Variants in PCNX2 observed in about 807,000 individuals in gnomAD.
PCNX2 encodes pecanex-like protein 2.
In PCNX2, 168 loss-of-function variants were observed where a neutral mutation model predicts 223.8. That is an observed-to-expected ratio of 0.75 (90% CI 0.66 to 0.85). PCNX2 has a LOEUF of 0.85. Among genes scored for constraint, PCNX2 ranks in the 40% least tolerant of loss-of-function variants. PCNX2 has a pLI of 0.00. For synonymous variants in PCNX2, 1,006 were observed against 1,052.6 expected (o/e 0.96, Z 0.86); for missense variants, 2,507 against 2,675.5 (o/e 0.94, Z 1.39).
chr1:233,104,344 A>G (rs1674649238), intron 21 of PCNX2, among the ~76,000 whole-genome samples: 1 of 152,142 alleles, frequency 6.6e-6, no homozygotes, highest in African/African-American at 2.4e-5. Flanking sequence ...TAAAAAATCA[A>G]TACATTTTTA....
the PCNX2 span, among the ~76,000 whole-genome samples, chr1:233,324,832 G>A: frequency 1.3e-5 from 2 of 151,804 alleles, no homozygotes; most frequent in Non-Finnish European, 1.5e-5. Flanking sequence ...CAGGTGATCT[G>A]CCCACCTCGG....
At chr1:233,103,614 ATTCT>A in intron 21 of PCNX2, among the ~76,000 whole-genome samples, 1 of 152,262 alleles carries the variant, frequency 6.6e-6, no homozygotes, top group East Asian at 1.9e-4. Context: ...AAATGATAGA[ATTCT>A]TTTTTATGGC....
chr1:233,037,743 A>G (rs900695726), intron 25 of PCNX2, among the ~76,000 whole-genome samples: 4 of 152,236 alleles, frequency 2.6e-5, no homozygotes, highest in African/African-American at 9.6e-5. Flanking sequence ...TTGTGAGCCT[A>G]GCACAGATTT....
chr1:233,152,405 T>C (rs1278793755), intron 19 of PCNX2, among the ~76,000 whole-genome samples: 1 of 152,170 alleles, frequency 6.6e-6, no homozygotes, highest in Admixed American at 6.5e-5. Context: ...TTCCTGAAGC[T>C]AGCATCTTTC....
chr1:233,264,257 G>C (rs906903339), intron 1 of PCNX2, among the ~76,000 whole-genome samples: 1 of 152,180 alleles, frequency 6.6e-6, no homozygotes, highest in African/African-American at 2.4e-5. Flanking sequence ...GGGATGGAAA[G>C]AGATCCCCAA....
chr1:233,098,823 G>A (rs1399319161), intron 21 of PCNX2, among the ~76,000 whole-genome samples: 2 of 152,132 alleles, frequency 1.3e-5, no homozygotes, highest in African/African-American at 4.8e-5. Flanking sequence ...ATATATTTCT[G>A]GATCTATAAA....
chr1:233,225,739 T>G (rs1462585576), intron 10 of PCNX2, among the ~76,000 whole-genome samples: 2 of 152,350 alleles, frequency 1.3e-5, no homozygotes, highest in Admixed American at 1.3e-4. Context: ...CATGAAGGGT[T>G]AATGCAAGCT....
intron 8 of PCNX2, among the ~76,000 whole-genome samples, chr1:233,238,921 T>C (rs1658587645): frequency 6.6e-6 from 1 of 152,182 alleles, no homozygotes. Flanking sequence ...TTCTTGTCTA[T>C]ATTAGTGGCA....
Position 232,986,297 on chromosome 1 carries a change from C to T in PCNX2, c.6035G>A (p.Arg2012Gln), listed in dbSNP as rs747342134. Residue 2012 changes from arginine to glutamine, a missense_variant, in exon 33 of 34, where the codon CGG becomes CAG. Transcript: ENST00000258229. ...GCTGGACCTGATGAGCGCCTCGGCC[C>T]GCTCACGGACACTCAGGTGGCCGGT... The part of the protein sequence containing the change: ...TTTGHLSVRE[R>Q]AEALIRSSLG... 3.1e-5 allele frequency: 49 copies of T among 1,571,012 alleles called. No individual in the cohort carries two copies. The highest frequency in any genetic ancestry group is 6.8e-5 in the African/African-American group (5 of 73,938).
intron 20 of PCNX2, among the ~76,000 whole-genome samples, chr1:233,137,952 G>A (rs977104055): frequency 1.1e-4 from 17 of 152,184 alleles, no homozygotes; most frequent in Non-Finnish European, 2.4e-4. Context: ...TTAGTACAAT[G>A]GCTCTCAAAA....
chr1:233,305,330 TGTTA>T, the PCNX2 span, among the ~76,000 whole-genome samples: 5 of 152,342 alleles, frequency 3.3e-5, no homozygotes, highest in East Asian at 5.8e-4. Context: ...GGAGTTATAT[TGTTA>T]GTTTTTATAT....
chr1:233,230,052 T>C (rs1657971560), intron 9 of PCNX2, among the ~76,000 whole-genome samples: 1 of 152,218 alleles, frequency 6.6e-6, no homozygotes, highest in Non-Finnish European at 1.5e-5. Flanking sequence ...GTGTAGGTTA[T>C]ATAAACCAAA....
At chr1:233,172,544 T>C (rs1679215632) in intron 17 of PCNX2, 1 of 985,092 alleles carries the variant, frequency 1.0e-6, no homozygotes, top group African/African-American at 1.7e-5. Context: ...ACTCTGAGAG[T>C]GTGGCACTTT....
At chr1:233,252,828 A>G (rs768304609) in intron 5 of PCNX2, 40 bp from the exon 6 acceptor site, 2 of 1,502,948 alleles carry the variant, frequency 1.3e-6, no homozygotes, top group Non-Finnish European at 1.8e-6. Context: ...AATATAAAAT[A>G]AATCAATGTG....
intron 21 of PCNX2, among the ~76,000 whole-genome samples, chr1:233,115,448 C>T (rs562933382): frequency 3.9e-5 from 6 of 152,274 alleles, no homozygotes; most frequent in African/African-American, 1.4e-4. Flanking sequence ...AATCTAAAGC[C>T]TCTGAGACCC....
chr1:233,324,229 C>T, the PCNX2 span, among the ~76,000 whole-genome samples: 5 of 152,290 alleles, frequency 3.3e-5, no homozygotes, highest in East Asian at 3.9e-4. Flanking sequence ...TAAAAGTGCA[C>T]GGTGAAGCAG....
intron 21 of PCNX2, among the ~76,000 whole-genome samples, chr1:233,114,739 T>A (rs1397149717): frequency 1.3e-5 from 2 of 152,188 alleles, no homozygotes; most frequent in Non-Finnish European, 2.9e-5. Flanking sequence ...GATTAGCTTC[T>A]GTGGGGCAAA....
rs903191078 is a variant in PCNX2, at chr1:233,194,940, C to A, written c.3066+3999G>T. On this transcript the variant is annotated intron_variant, in intron 15 of 33. Coordinates refer to ENST00000258229, the MANE Select transcript of PCNX2 (RefSeq NM_014801.4). Reference sequence around the variant, plus strand: ...GCTGAGGCAGGAGAATGGCGTGAACCCAGGAGGTGGAGCTTGCAGTGAGCC... The same window carrying A: ...GCTGAGGCAGGAGAATGGCGTGAACACAGGAGGTGGAGCTTGCAGTGAGCC... Among the ~76,000 whole-genome samples the A allele has an allele frequency of 2.0e-5, 3 of 151,116 alleles. No individual in the cohort carries two copies. The East Asian group carries it at 5.8e-4, about 29-fold the overall frequency.
chr1:233,087,752 G>A (rs1673677043), intron 23 of PCNX2, among the ~76,000 whole-genome samples: 1 of 152,092 alleles, frequency 6.6e-6, no homozygotes, highest in African/African-American at 2.4e-5. Context: ...AGCAGACTGG[G>A]TTTTGCACCA....
Sources: allele counts gnomAD v4.1 joint callset (sites outside exome capture counted in the v4.1 genomes callset), GRCh38; gene constraint gnomAD v4.1.1; transcripts MANE v1.5; gene names NCBI Gene and HGNC (gene_info 2026-07-23, HGNC 2026-07-21).